The following CADM1 variants were observed in gnomAD, a reference collection of about 807,000 sequenced individuals.
CADM1 encodes cell adhesion molecule 1, also known as TSLC-1.
Under a neutral mutation model 53.1 loss-of-function variants are expected in CADM1, and 15 were observed. The ratio of observed to expected loss-of-function variants is 0.28; its 90% CI spans 0.19 to 0.44. CADM1 has a LOEUF of 0.44. Ranked by LOEUF, CADM1 falls within the 20% of genes least tolerant of loss-of-function variation. The pLI is 1.00. For missense variants in CADM1, 434 were observed against 611.3 expected, an observed-to-expected ratio of 0.71 and a Z score of 3.06; for synonymous variants, 281 against 243.0, an observed-to-expected ratio of 1.16 and a Z score of -1.45.
At chr11:115,291,294 T>C (rs1164420231) in intron 1 of CADM1, among the ~76,000 whole-genome samples, 1 of 152,218 alleles carries the variant, frequency 6.6e-6, no homozygotes, top group Non-Finnish European at 1.5e-5. Flanking sequence ...TAAGATATAA[T>C]CACTGAATTT....
chr11:115,206,764 T>C (rs1011330728), intron 8 of CADM1, among the ~76,000 whole-genome samples: 3 of 114,388 alleles, frequency 2.6e-5, no homozygotes, highest in African/African-American at 1.2e-4. Context: ...ACTTCTTTTT[T>C]TTTTTTTTTT....
At chr11:115,350,251 G>A (rs1046737038) in intron 1 of CADM1, among the ~76,000 whole-genome samples, 1 of 152,202 alleles carries the variant, frequency 6.6e-6, no homozygotes, top group Non-Finnish European at 1.5e-5. Context: ...GATTACAGGC[G>A]TGAGCCACCG....
At chr11:115,394,696 G>T (rs1946947476) in intron 1 of CADM1, among the ~76,000 whole-genome samples, 1 of 152,110 alleles carries the variant, frequency 6.6e-6, no homozygotes, top group South Asian at 2.1e-4. Context: ...GCATAGTGTG[G>T]AACCCAATGT....
intron 1 of CADM1, among the ~76,000 whole-genome samples, chr11:115,305,283 G>A (rs927339375): frequency 5.9e-5 from 9 of 151,886 alleles, no homozygotes; most frequent in Admixed American, 6.6e-5. Flanking sequence ...TCCTGCCTAC[G>A]GGCGCCTTCC....
intron 1 of CADM1, among the ~76,000 whole-genome samples, chr11:115,365,240 AG>A (rs1946127695): frequency 7.3e-6 from 1 of 137,564 alleles, no homozygotes; most frequent in African/African-American, 2.6e-5. Context: ...ATGAAATACG[AG>A]GTAAACAGAA....
At chr11:115,404,159 C>A (rs1339680441) in intron 1 of CADM1, among the ~76,000 whole-genome samples, 12 of 147,526 alleles carry the variant, frequency 8.1e-5, no homozygotes, top group African/African-American at 3.0e-4. Context: ...AACCCTGTCT[C>A]TATGAAAAAT....
chr11:115,501,355 A>G (rs1400954202), intron 1 of CADM1, among the ~76,000 whole-genome samples: 1 of 152,164 alleles, frequency 6.6e-6, no homozygotes, highest in African/African-American at 2.4e-5. Flanking sequence ...GCAAGCCCCA[A>G]CAGGCCAAAG....
At chr11:115,330,445 G>A (rs949646390) in intron 1 of CADM1, among the ~76,000 whole-genome samples, 1 of 152,104 alleles carries the variant, frequency 6.6e-6, no homozygotes, top group African/African-American at 2.4e-5. Context: ...TCTATAATGT[G>A]TGATTTCATT....
chr11:115,424,440 A>C (rs111727016), intron 1 of CADM1, among the ~76,000 whole-genome samples: 4 of 152,378 alleles, frequency 2.6e-5, no homozygotes, highest in African/African-American at 9.6e-5. Flanking sequence ...TAGTGAAGTT[A>C]GACTTCCATA....
intron 1 of CADM1, among the ~76,000 whole-genome samples, chr11:115,341,556 A>G (rs1945447565): frequency 6.6e-6 from 1 of 152,244 alleles, no homozygotes; most frequent in Admixed American, 6.5e-5. Flanking sequence ...GTAAGATAAC[A>G]AAGTTTACAA....
intron 9 of CADM1, among the ~76,000 whole-genome samples, chr11:115,192,133 G>A (rs1200769852): frequency 6.6e-6 from 1 of 152,208 alleles, no homozygotes; most frequent in Non-Finnish European, 1.5e-5. Flanking sequence ...AGGCCCAAAT[G>A]AACCACAACA....
intron 1 of CADM1, among the ~76,000 whole-genome samples, chr11:115,267,320 A>G (rs1215325852): frequency 6.6e-6 from 1 of 152,182 alleles, no homozygotes; most frequent in African/African-American, 2.4e-5. Context: ...CTAGCACACC[A>G]TGCACTCTTT....
chr11:115,299,855 C>A (rs1468750678), intron 1 of CADM1, among the ~76,000 whole-genome samples: 1 of 152,056 alleles, frequency 6.6e-6, no homozygotes, highest in African/African-American at 2.4e-5. Context: ...AAGCAGAGGA[C>A]CCTGCCTTGA....
intron 1 of CADM1, among the ~76,000 whole-genome samples, chr11:115,305,601 C>T (rs757189757): frequency 6.6e-6 from 1 of 151,886 alleles, no homozygotes; most frequent in Non-Finnish European, 1.5e-5. Context: ...AAGAGGCATT[C>T]TTTAAAGTTC....
intron 1 of CADM1, among the ~76,000 whole-genome samples, chr11:115,435,113 G>A (rs558013802): frequency 6.6e-5 from 10 of 151,810 alleles, no homozygotes; most frequent in African/African-American, 1.7e-4. Flanking sequence ...CGCCCACCTC[G>A]GCCCCCGAAA....
chr11:115,491,023 T>C (rs549274274), intron 1 of CADM1, among the ~76,000 whole-genome samples: 4 of 152,188 alleles, frequency 2.6e-5, no homozygotes, highest in South Asian at 2.1e-4. Flanking sequence ...TTTTAGAACA[T>C]AGTCTGAGGT....
At chr11:115,374,939 AATAAT>A (rs1351509104) in intron 1 of CADM1, among the ~76,000 whole-genome samples, 1 of 152,216 alleles carries the variant, frequency 6.6e-6, no homozygotes, top group Admixed American at 6.5e-5. Flanking sequence ...TCAAAGTAAT[AATAAT>A]ATAAGGCAAT....
intron 1 of CADM1, among the ~76,000 whole-genome samples, chr11:115,351,031 T>TA (rs1278488616): frequency 1.3e-5 from 2 of 152,038 alleles, no homozygotes; most frequent in Admixed American, 6.6e-5. Context: ...GAAAGGTTAA[T>TA]ATCCCCCAAA....
chr11:115,193,704 G>A (rs1036338267), intron 9 of CADM1: 1 of 151,992 alleles, frequency 6.6e-6, no homozygotes, highest in Admixed American at 6.5e-5. Flanking sequence ...GTTTTTCAGG[G>A]TATCATTTTT....
Sources: gnomAD v4.1 joint callset for allele counts (sites outside exome capture counted in the v4.1 genomes callset) on GRCh38, gnomAD v4.1.1 for gene constraint, MANE v1.5 for transcripts, NCBI Gene and HGNC (gene_info 2026-07-23, HGNC 2026-07-21) for gene names.